EMX2: variants seen among roughly 807,000 people sequenced by gnomAD.
EMX2 encodes the protein homeobox protein EMX2.
Under a neutral mutation model 23.0 loss-of-function variants are expected in EMX2, and 6 were observed. The ratio of observed to expected loss-of-function variants is 0.26; its 90% CI spans 0.14 to 0.52. The LOEUF is 0.52. Ranked by LOEUF, EMX2 falls within the 20% of genes least tolerant of loss-of-function variation. EMX2 has a pLI of 0.97. For synonymous variants in EMX2, 175 were observed against 153.3 expected (o/e 1.14, Z -1.04); for missense variants, 302 against 341.4 (o/e 0.88, Z 0.91).
rs1385852295 is a variant in EMX2, at chr10:117,542,829, A to G, written c.-439A>G. On this transcript the variant is annotated 5_prime_UTR_variant, in exon 1 of 3. Transcript: ENST00000553456. ...GCCCGCCTTTTGCAGAGGAGAAAAA[A>G]CTTTTTTTTTTTTTTGCCTCCCCCG... 1.2e-5 allele frequency: 1 copy of G among 82,788 alleles called. No individual in the cohort carries two copies. Among genetic ancestry groups the G allele is most frequent in the South Asian group, 3.9e-4 (1 of 2,592 alleles). 5.1% of individuals were successfully genotyped at this position (82,788 alleles called of 1,614,324 possible). A position where few individuals can be genotyped will look rare whatever the true frequency, so the allele number is the denominator to read the frequency against.
Position 117,543,530 on chromosome 10 carries a change from TGCCGCC to T in EMX2, c.269_274del (p.Pro90_Pro91del), listed in dbSNP as rs1253096406. ...AACCCCGCCGTGCCAGTGCACCCGG[TGCCGCC>T]GCCGCACGCCCTGGCCGCCCACCCC... On this transcript the variant is annotated inframe_deletion, in exon 1 of 3. Transcript: ENST00000553456. 3.3e-6 allele frequency: 5 copies of T among 1,527,136 alleles called. No individual in the cohort carries two copies. Among genetic ancestry groups the T allele is most frequent in the Non-Finnish European group, 4.4e-6 (5 of 1,127,474 alleles). 94.6% of individuals were successfully genotyped at this position (1,527,136 alleles called of 1,614,324 possible).
At position 117,543,166 on chromosome 10, in the gene EMX2, C is replaced by A; in HGVS notation, c.-102C>A. 8.1e-6 allele frequency: 3 copies of A among 368,318 alleles called. No individual in the cohort carries two copies. Among genetic ancestry groups the A allele is most frequent in the Non-Finnish European group, 1.3e-5 (3 of 238,266 alleles). 22.8% of individuals were successfully genotyped at this position (368,318 alleles called of 1,614,324 possible). On this transcript the variant is annotated 5_prime_UTR_variant, in exon 1 of 3. Coordinates refer to ENST00000553456, the MANE Select transcript of EMX2 (RefSeq NM_004098.4). ...CCACCCCCACCCCAAACAAACGAGT[C>A]CCCAATTCTCGTCCGTCCTCGCCGC...
chr10:117,546,095 T>C (rs748925416), intron 2 of EMX2, among the ~76,000 whole-genome samples: 2 of 149,434 alleles, frequency 1.3e-5, no homozygotes, highest in Non-Finnish European at 3.0e-5. Context: ...ATCCCTGCAT[T>C]TCTGGTGAGA....
chr10:117,545,510 G>A, intron 1 of EMX2, 122 bp from the exon 2 acceptor site: 1 of 1,240,076 alleles, frequency 8.1e-7, no homozygotes, highest in Non-Finnish European at 1.1e-6. Flanking sequence ...GCCCCCGCAG[G>A]TCGAGCGGCG....
chr10:117,547,662 G>A (rs961240342), intron 2 of EMX2, among the ~76,000 whole-genome samples: 9 of 152,254 alleles, frequency 5.9e-5, no homozygotes, highest in African/African-American at 2.2e-4. Flanking sequence ...TCTTGCACTC[G>A]CTTGCTGGAG....
rs1404078740 is a variant in EMX2, at chr10:117,545,836, G to A, written c.591+20G>A. 15 of 1,613,546 alleles carry A rather than the reference G, an allele frequency of 9.3e-6. No homozygotes were observed. The highest frequency in any genetic ancestry group is 1.3e-5 in the Non-Finnish European group (15 of 1,180,008). ...ACTCAGGTGACTGCGGCCCGGGCGCGAGGAACCCATCTAGGCGTGCGCCCC... is the reference window on the plus strand; with the variant it reads ...ACTCAGGTGACTGCGGCCCGGGCGCAAGGAACCCATCTAGGCGTGCGCCCC... On this transcript the variant is annotated intron_variant, in intron 2 of 2. Coordinates refer to ENST00000553456, the MANE Select transcript of EMX2 (RefSeq NM_004098.4).
chr10:117,546,684 G>A (rs753634951), intron 2 of EMX2, among the ~76,000 whole-genome samples: 1 of 152,264 alleles, frequency 6.6e-6, no homozygotes, highest in East Asian at 1.9e-4. Flanking sequence ...AGCCGAGGCG[G>A]CGGTGGTCTT....
rs1846522266 is a variant in EMX2, at chr10:117,543,363, T to C, written c.96T>C (p.Arg32=). 1.3e-6 allele frequency: 2 copies of C among 1,566,934 alleles called. No homozygotes were observed. Among genetic ancestry groups the C allele is most frequent in the East Asian group, 4.8e-5 (2 of 41,646 alleles). Residue 32 remains arginine (R), a synonymous_variant, in exon 1 of 3, where the codon CGT becomes CGC. Transcript: ENST00000553456. ...LPASRSEDPI[R]PAALSYANSS... ...CCTCGCGCTCCGAGGACCCCATCCG[T>C]CCCGCGGCACTCAGCTACGCTAACT...
chr10:117,545,395 C>T (rs1349117464), intron 1 of EMX2, among the ~76,000 whole-genome samples: 1 of 152,160 alleles, frequency 6.6e-6, no homozygotes, highest in Non-Finnish European at 1.5e-5. Flanking sequence ...GGGACTGGCT[C>T]CTCTGCGACA....
intron 1 of EMX2, 97 bp from the exon 2 acceptor site, chr10:117,545,535 C>T (rs546611723): frequency 4.0e-6 from 6 of 1,490,636 alleles, no homozygotes; most frequent in Non-Finnish European, 5.5e-6. Flanking sequence ...TATGCGAAGG[C>T]CCTGAGCACG....
chr10:117,548,038 C>T (rs979553183), intron 2 of EMX2, 27 bp from the exon 3 acceptor site: 22 of 1,595,890 alleles, frequency 1.4e-5, no homozygotes, highest in Non-Finnish European at 1.6e-5. Flanking sequence ...AAAGAACTAA[C>T]GCACCCCATC....
Position 117,548,717 on chromosome 10 carries a change from A to C in EMX2, c.*485A>C. 1 of 410,456 alleles carries C rather than the reference A, an allele frequency of 2.4e-6. No individual in the cohort carries two copies. The allele number at this position is 410,456 out of a possible 1,614,324, so 25.4% of individuals were successfully genotyped here. On this transcript the variant is annotated 3_prime_UTR_variant, in exon 3 of 3. Coordinates refer to ENST00000553456, the MANE Select transcript of EMX2 (RefSeq NM_004098.4). ...AAACCACGACCCAACCAGGCACAGGACTTTTTTGTTTTTTGCACTTCGCTG... is the reference window on the plus strand; with the variant it reads ...AAACCACGACCCAACCAGGCACAGGCCTTTTTTGTTTTTTGCACTTCGCTG...
chr10:117,547,287 G>A (rs1846591556), intron 2 of EMX2, among the ~76,000 whole-genome samples: 3 of 152,222 alleles, frequency 2.0e-5, no homozygotes, highest in Admixed American at 1.3e-4. Context: ...TGTTTAGAAG[G>A]AGGGAAGAGG....
rs770030607 is a variant in EMX2, at chr10:117,548,545, AGAAAGAG to A, written c.*314_*320del. ...GAGGGAGGGAGAGAGAGAAAGAGAG[AGAAAGAG>A]AGAGAGAGAGAGAGAGAGAGAAAGC... On this transcript the variant is annotated 3_prime_UTR_variant, in exon 3 of 3. Coordinates refer to ENST00000553456, the MANE Select transcript of EMX2 (RefSeq NM_004098.4). The A allele has an allele frequency of 4.0e-5, 16 of 396,942 alleles. No homozygotes were observed. The highest frequency in any genetic ancestry group is 5.8e-5 in the Non-Finnish European group (14 of 240,656). The allele number at this position is 396,942 out of a possible 1,614,324, so 24.6% of individuals were successfully genotyped here.
Position 117,548,754 on chromosome 10 carries a change from C to CA in EMX2, c.*523dup, listed in dbSNP as rs1846617845. 2 of 405,532 alleles carry CA rather than the reference C, an allele frequency of 4.9e-6. No homozygotes were observed. The highest frequency in any genetic ancestry group is 6.3e-4 in the Middle Eastern group (1 of 1,596). The allele number at this position is 405,532 out of a possible 1,614,324, so 25.1% of individuals were successfully genotyped here. On this transcript the variant is annotated 3_prime_UTR_variant, in exon 3 of 3. Transcript: ENST00000553456. ...TTTGCACTTCGCTGTGTTTCCCCCCCATCTTTAAAAATAATTAGTAATAAA... is the reference window on the plus strand; with the variant it reads ...TTTGCACTTCGCTGTGTTTCCCCCCCAATCTTTAAAAATAATTAGTAATAAA...
intron 2 of EMX2, among the ~76,000 whole-genome samples, chr10:117,546,324 C>G (rs1015086430): frequency 1.3e-5 from 2 of 152,188 alleles, no homozygotes; most frequent in African/African-American, 4.8e-5. Flanking sequence ...TGTGTGTACC[C>G]TATATCAGAG....
At chr10:117,545,029 G>T (rs1846555237) in intron 1 of EMX2, 1 of 152,092 alleles carries the variant, frequency 6.6e-6, no homozygotes, top group Admixed American at 6.5e-5. Flanking sequence ...GAGCCCCGGA[G>T]CCCAGTTCGC....
Position 117,543,193 on chromosome 10 carries a change from G to C in EMX2, c.-75G>C. 9.0e-7 allele frequency: 1 copy of C among 1,110,602 alleles called. No individual in the cohort carries two copies. The highest frequency in any genetic ancestry group is 1.1e-6 in the Non-Finnish European group (1 of 897,606). The allele number at this position is 1,110,602 out of a possible 1,614,324, so 68.8% of individuals were successfully genotyped here. On this transcript the variant is annotated 5_prime_UTR_variant, in exon 1 of 3. Coordinates refer to ENST00000553456, the MANE Select transcript of EMX2 (RefSeq NM_004098.4). ...CCAATTCTCGTCCGTCCTCGCCGCG[G>C]GCAGCGGGCGGCGGAGGCAGCGTGC... is the stretch of plus-strand genomic sequence containing the variant.
chr10:117,546,905 G>C (rs1213931060), intron 2 of EMX2, among the ~76,000 whole-genome samples: 1 of 152,264 alleles, frequency 6.6e-6, no homozygotes, highest in Non-Finnish European at 1.5e-5. Context: ...AGAGCAAGAC[G>C]GACCGGCCTG....
Sources: allele counts gnomAD v4.1 joint callset (sites outside exome capture counted in the v4.1 genomes callset), GRCh38; gene constraint gnomAD v4.1.1; transcripts MANE v1.5; gene names NCBI Gene and HGNC (gene_info 2026-07-23, HGNC 2026-07-21).